ANKRD26: variants seen among roughly 807,000 people sequenced by gnomAD.
ANKRD26 encodes the protein ankyrin repeat domain 26.
A neutral mutation model predicts 208.7 loss-of-function variants in ANKRD26; 141 were observed. The ratio of observed to expected loss-of-function variants is 0.68; its 90% CI spans 0.59 to 0.78. The LOEUF (loss-of-function observed/expected upper bound fraction) is 0.78, where lower values mean the gene tolerates loss of function less well. Among genes scored for constraint, ANKRD26 ranks in the 30% least tolerant of loss-of-function variants. The pLI is 0.00. For missense variants in ANKRD26, 1,889 were observed against 1,938.7 expected (o/e 0.97, Z 0.48); for synonymous variants, 636 against 660.4 (o/e 0.96, Z 0.57).
downstream of ANKRD26, among the ~76,000 whole-genome samples, chr10:27,000,004 C>T (rs1213342762): frequency 1.3e-5 from 2 of 152,076 alleles, no homozygotes; most frequent in Non-Finnish European, 2.9e-5. Flanking sequence ...CAGCTCAGCT[C>T]CTTACCTAGC....
chr10:27,013,028 T>A lies in ANKRD26; in HGVS notation c.4807A>T (p.Thr1603Ser). The A allele has an allele frequency of 6.2e-7, 1 of 1,614,064 alleles. No individual in the cohort carries two copies. The highest frequency in any genetic ancestry group is 8.5e-7 in the Non-Finnish European group (1 of 1,179,964). Reference sequence around the variant, plus strand: ...CAAGGTGGCTCCATGACTGGCCTGGTAGTGAGAGTGGTGAACAAAGATCTG... The same window carrying A: ...CAAGGTGGCTCCATGACTGGCCTGGAAGTGAGAGTGGTGAACAAAGATCTG... Reference protein sequence around the residue: ...QSRSLFTTLTTRPVMEPPCVG... With the variant: ...QSRSLFTTLTSRPVMEPPCVG... The change falls in exon 32 of 34, where the codon ACC (threonine) becomes TCC (serine). Residue 1603 changes from threonine (T) to serine (S), a missense_variant. Thr to Ser is a moderately conservative substitution (Grantham distance 58). Transcript: ENST00000376087.
intron 12 of ANKRD26, among the ~76,000 whole-genome samples, chr10:27,062,860 T>C (rs1307320466): frequency 7.9e-5 from 12 of 151,798 alleles, no homozygotes; most frequent in Non-Finnish European, 1.6e-4. Flanking sequence ...TTCCGTCTCC[T>C]GGGTTCAAGT....
Position 27,037,899 on chromosome 10 carries a change from A to T in ANKRD26, c.2531T>A (p.Leu844Ter). The T allele has an allele frequency of 6.2e-7, 1 of 1,612,660 alleles. No individual in the cohort carries two copies. The highest frequency in any genetic ancestry group is 8.5e-7 in the Non-Finnish European group (1 of 1,179,574). ...ELSLQTLEME[L>*]RTVKSNLNQV... The stretch of plus-strand genomic sequence containing the variant: ...ATTCAAATTACTTTTTACAGTCCTC[A>T]ATTCCATCTCCAGTGTTTGGAGACT... The change falls in exon 22 of 34, where the codon TTG (leucine) becomes TAG (stop). Residue 844 changes from leucine to a stop codon, truncating the protein, a stop_gained. Transcript: ENST00000376087. LOFTEE classifies it high-confidence loss of function.
chr10:26,981,241 T>C (rs956468726), intron 4 of ANKRD26, among the ~76,000 whole-genome samples: 1 of 152,186 alleles, frequency 6.6e-6, no homozygotes, highest in Admixed American at 6.5e-5. Flanking sequence ...GCAGATTTAT[T>C]AGACAAAGTA....
chr10:26,994,019 T>C (rs193128513), intron 5 of ANKRD26, among the ~76,000 whole-genome samples: 269 of 152,354 alleles, frequency 1.8e-3, no homozygotes, highest in African/African-American at 6.3e-3. Flanking sequence ...TGCCTGGTTC[T>C]GCATAACACA....
intron 5 of ANKRD26, among the ~76,000 whole-genome samples, chr10:26,977,137 T>C (rs920628782): frequency 4.6e-5 from 7 of 152,250 alleles, no homozygotes; most frequent in African/African-American, 1.7e-4. Flanking sequence ...ACTTCCCATT[T>C]GAAGGTATAC....
the ANKRD26 span, among the ~76,000 whole-genome samples, chr10:26,964,386 T>C: frequency 6.6e-6 from 1 of 152,144 alleles, no homozygotes; most frequent in Non-Finnish European, 1.5e-5. Flanking sequence ...TCCACATCCA[T>C]AGCCACCTAC....
intron 17 of ANKRD26, among the ~76,000 whole-genome samples, chr10:27,048,157 A>G (rs1056175844): frequency 1.3e-5 from 2 of 152,282 alleles, no homozygotes; most frequent in South Asian, 4.1e-4. Context: ...GAGCCCCTAA[A>G]AATACCCAGT....
At chr10:27,084,575 G>A (rs777430248) in intron 5 of ANKRD26, among the ~76,000 whole-genome samples, 16 of 151,998 alleles carry the variant, frequency 1.1e-4, no homozygotes, top group Non-Finnish European at 1.8e-4. Context: ...TTGTTATGGC[G>A]AAACATTTCT....
At chr10:26,977,200 T>C (rs1197022319) in intron 5 of ANKRD26, among the ~76,000 whole-genome samples, 1 of 152,218 alleles carries the variant, frequency 6.6e-6, no homozygotes, top group East Asian at 1.9e-4. Context: ...CGGAACTTTT[T>C]GTGCATCCCA....
Position 27,064,007 on chromosome 10 carries a change from T to C in ANKRD26, c.1344A>G (p.Ile448Met), listed in dbSNP as rs1213745602. Residue 448 changes from isoleucine to methionine, a missense_variant, in exon 12 of 34, where the codon ATA (isoleucine) becomes ATG (methionine). By Grantham distance (10) the Ile-to-Met change is conservative. Around this residue, in one of 3 missense-constraint regions of ANKRD26, gnomAD observed 1,272 missense variants for 1,273.8 expected, o/e 1.00. Transcript: ENST00000376087. ...AGAADGKEKN[I>M]GNEQAEDVFY... ...TCTTACCTTCTGCTTGTTCATTTCC[T>C]ATATTTTTTTCTTTTCCGTCTGCAG... 1 of 1,609,746 alleles carries C rather than the reference T, an allele frequency of 6.2e-7. No individual in the cohort carries two copies.
chr10:27,092,306 A>G (rs1286241101), intron 4 of ANKRD26, 100 bp downstream of exon 4: 1 of 821,754 alleles, frequency 1.2e-6, no homozygotes, highest in African/African-American at 1.7e-5. Flanking sequence ...GCCCCTCAAG[A>G]ACAAGCAGGT....
Position 27,100,232 on chromosome 10 carries a change from T to TCCCCCGGCTCG in ANKRD26, c.84_94dup (p.Glu32AlafsTer46), listed in dbSNP as rs2056605007. On this transcript the variant is annotated frameshift_variant, in exon 1 of 34. Coordinates refer to ENST00000376087, the MANE Select transcript of ANKRD26 (RefSeq NM_014915.3). LOFTEE classifies it high-confidence loss of function. The stretch of plus-strand genomic sequence containing the variant: ...GTAGCCGGGCTGCGAGTAGGCGCCC[T>TCCCCCGGCTCG]CCCCCGGCTCGCCCCCGCCTCCCGC... 6.2e-7 allele frequency: 1 copy of TCCCCCGGCTCG among 1,612,062 alleles called. No individual in the cohort carries two copies. Among genetic ancestry groups the TCCCCCGGCTCG allele is most frequent in the Non-Finnish European group, 8.5e-7 (1 of 1,179,766 alleles).
chr10:27,094,020 A>C (rs2056387088), intron 1 of ANKRD26, among the ~76,000 whole-genome samples: 2 of 152,118 alleles, frequency 1.3e-5, no homozygotes, highest in South Asian at 4.1e-4. Flanking sequence ...AATCACGAGG[A>C]TGGTTCCCCC....
intron 25 of ANKRD26, chr10:27,030,331 A>T: frequency 1.1e-6 from 1 of 937,180 alleles, no homozygotes; most frequent in Non-Finnish European, 1.3e-6. Flanking sequence ...TCTCTGCTTT[A>T]CTCAGTGGGC....
rs150623081 is a variant in ANKRD26, at chr10:27,092,445, T to C, written c.599A>G (p.Lys200Arg). The C allele has an allele frequency of 5.0e-5, 81 of 1,613,584 alleles. No individual in the cohort carries two copies. In the African/African-American group the frequency reaches 1.0e-3, roughly 20 times the overall value. Residue 200 changes from lysine (K) to arginine (R), a missense_variant, in exon 4 of 34, where the codon AAG (lysine) becomes AGG (arginine). By Grantham distance (26) the Lys-to-Arg change is conservative. Coordinates refer to ENST00000376087, the MANE Select transcript of ANKRD26 (RefSeq NM_014915.3). ...KKQQMVEFLI[K>R]KKANVNAVDK... ...TACTGCATTTACATTTGCTTTTTTC[T>C]TTATTAAAAATTCCACCATTTGCTG...
intron 30 of ANKRD26, among the ~76,000 whole-genome samples, chr10:27,015,823 C>T (rs1042013449): frequency 1.3e-5 from 2 of 152,162 alleles, no homozygotes; most frequent in African/African-American, 2.4e-5. Context: ...AGTTCTCAAT[C>T]GCTCTTTATC....
intron 21 of ANKRD26, among the ~76,000 whole-genome samples, chr10:27,038,609 C>A (rs1418062064): frequency 6.6e-6 from 1 of 151,440 alleles, no homozygotes; most frequent in Non-Finnish European, 1.5e-5. Flanking sequence ...CGAGATTGTG[C>A]CACTGCACTC....
chr10:27,016,712 G>T (rs2053305094), intron 30 of ANKRD26, among the ~76,000 whole-genome samples: 1 of 152,020 alleles, frequency 6.6e-6, no homozygotes, highest in South Asian at 2.1e-4. Context: ...TGAGAGGGTG[G>T]TTAAGCAAGT....
Sources: allele counts gnomAD v4.1 joint callset (sites outside exome capture counted in the v4.1 genomes callset), GRCh38; gene constraint gnomAD v4.1.1; regional missense constraint gnomAD v4.1.1; transcripts MANE v1.5; gene names NCBI Gene and HGNC (gene_info 2026-07-23, HGNC 2026-07-21).